Variants in KHDRBS2 observed in about 807,000 individuals in gnomAD.
KHDRBS2 encodes the protein KH domain-containing, RNA-binding, signal transduction-associated protein 2.
In KHDRBS2, 26 loss-of-function variants were observed where a neutral mutation model predicts 44.3. The ratio of observed to expected loss-of-function variants is 0.59; its 90% CI spans 0.43 to 0.81. KHDRBS2 has a LOEUF of 0.81. Ranked by LOEUF, KHDRBS2 falls within the 40% of genes least tolerant of loss-of-function variation. The pLI is 0.00. For missense variants in KHDRBS2, 476 were observed against 433.1 expected (o/e 1.10, Z -0.88); for synonymous variants, 194 against 151.1 (o/e 1.28, Z -2.08).
chr6:62,061,163 G>A (rs1584433627), intron 2 of KHDRBS2, among the ~76,000 whole-genome samples: 1 of 151,600 alleles, frequency 6.6e-6, no homozygotes, highest in South Asian at 2.1e-4. Context: ...GGAGCATTTA[G>A]TCCATTTACA....
chr6:62,176,015 T>C (rs1821019844), intron 2 of KHDRBS2, among the ~76,000 whole-genome samples: 1 of 151,430 alleles, frequency 6.6e-6, no homozygotes, highest in Non-Finnish European at 1.5e-5. Flanking sequence ...TATTTAAATG[T>C]ATGATTTATG....
the KHDRBS2 span, among the ~76,000 whole-genome samples, chr6:61,546,901 A>C: frequency 6.6e-6 from 1 of 151,912 alleles, no homozygotes; most frequent in South Asian, 2.1e-4. Flanking sequence ...TCATTCATCC[A>C]TTTTCCAACC....
At chr6:61,790,070 T>C (rs1270047492) in intron 6 of KHDRBS2, among the ~76,000 whole-genome samples, 1 of 151,454 alleles carries the variant, frequency 6.6e-6, no homozygotes, top group Non-Finnish European at 1.5e-5. Context: ...TAACCCCCTG[T>C]AAAATCAAAG....
intron 1 of KHDRBS2, among the ~76,000 whole-genome samples, chr6:62,237,999 G>T (rs1303473773): frequency 1.4e-5 from 2 of 146,728 alleles, no homozygotes; most frequent in Non-Finnish European, 3.0e-5. Flanking sequence ...TGAGCAGTGA[G>T]CAGTGATCGC....
At chr6:61,899,742 C>T (rs1803607790) in intron 5 of KHDRBS2, among the ~76,000 whole-genome samples, 2 of 142,610 alleles carry the variant, frequency 1.4e-5, no homozygotes, top group African/African-American at 5.0e-5. Flanking sequence ...TGCCCCCCCC[C>T]CGCATTTTAA....
intron 4 of KHDRBS2, among the ~76,000 whole-genome samples, chr6:61,946,138 T>C (rs1813336806): frequency 6.6e-6 from 1 of 152,138 alleles, no homozygotes; most frequent in Non-Finnish European, 1.5e-5. Context: ...TCAGAAATCT[T>C]AAAGACCAGA....
chr6:61,974,467 C>A (rs191872854), intron 4 of KHDRBS2, among the ~76,000 whole-genome samples: 1 of 152,072 alleles, frequency 6.6e-6, no homozygotes, highest in African/African-American at 2.4e-5. Flanking sequence ...TCCTGTTTCT[C>A]GTTACTCATC....
intron 3 of KHDRBS2, among the ~76,000 whole-genome samples, chr6:62,038,291 G>A (rs1785729076): frequency 6.6e-6 from 1 of 150,866 alleles, no homozygotes; most frequent in South Asian, 2.1e-4. Context: ...ACTCTGCGGT[G>A]TTGTTATTCA....
intron 3 of KHDRBS2, among the ~76,000 whole-genome samples, chr6:62,018,424 C>T (rs774648393): frequency 6.6e-6 from 1 of 151,810 alleles, no homozygotes; most frequent in East Asian, 1.9e-4. Flanking sequence ...ACGAACTCAC[C>T]GCAAGCTCCG....
chr6:61,854,388 AT>A (rs759220614), intron 6 of KHDRBS2, among the ~76,000 whole-genome samples: 32 of 152,274 alleles, frequency 2.1e-4, no homozygotes, highest in Non-Finnish European at 3.5e-4. Flanking sequence ...AACTAAATGT[AT>A]ATATACTCAG....
chr6:61,786,266 C>T (rs1193928506), intron 6 of KHDRBS2, among the ~76,000 whole-genome samples: 2 of 151,822 alleles, frequency 1.3e-5, no homozygotes, highest in African/African-American at 4.8e-5. Flanking sequence ...TTAATCAAAC[C>T]GCATCTTCTG....
At chr6:61,974,985 A>G (rs1772257652) in intron 4 of KHDRBS2, among the ~76,000 whole-genome samples, 1 of 149,108 alleles carries the variant, frequency 6.7e-6, no homozygotes, top group African/African-American at 2.5e-5. Context: ...AATAAATAAA[A>G]GACTACAGTG....
In KHDRBS2 at chr6:61,993,836, G is replaced by A. The variant is rs1776653545; in HGVS notation, c.337-15624C>T. On this transcript the variant is annotated intron_variant, in intron 3 of 8. Coordinates refer to ENST00000281156, the MANE Select transcript of KHDRBS2 (RefSeq NM_152688.4). ...TGAAGTTATTTAAACCTTGTAATAG[G>A]TTAATGTTATCTGCATTTTGACTCT... is the stretch of plus-strand genomic sequence containing the variant. 1.3e-5 allele frequency among the ~76,000 whole-genome samples: 2 copies of A among 151,572 alleles called. 1 individual carries two copies. The highest frequency in any genetic ancestry group is 4.8e-5 in the African/African-American group (2 of 41,282).
chr6:61,859,573 G>A (rs1796626511), intron 6 of KHDRBS2, among the ~76,000 whole-genome samples: 1 of 151,720 alleles, frequency 6.6e-6, no homozygotes, highest in East Asian at 1.9e-4. Context: ...AGCCTCTTTG[G>A]CAATGCTCCC....
the KHDRBS2 span, among the ~76,000 whole-genome samples, chr6:61,585,538 G>T: frequency 0.045 from 6,864 of 152,092 alleles, 212 homozygotes; most frequent in Middle Eastern, 0.078. Flanking sequence ...TAGAAAATAC[G>T]ATTTGCAAGA....
intron 2 of KHDRBS2, among the ~76,000 whole-genome samples, chr6:62,062,511 C>T (rs1052308516): frequency 8.5e-5 from 13 of 152,054 alleles, no homozygotes; most frequent in Middle Eastern, 6.8e-3. Context: ...AACTGAACAA[C>T]CTGCTCCTGA....
rs576836740 is a variant in KHDRBS2 at position 62,080,392 on chromosome 6, A to G, written c.220-32398T>C. Among the ~76,000 whole-genome samples, 10 of 152,288 alleles carry G rather than the reference A, an allele frequency of 6.6e-5. No homozygotes were observed. In the East Asian group the frequency reaches 1.9e-3, roughly 29 times the overall value. On this transcript the variant is annotated intron_variant, in intron 2 of 8. Coordinates refer to ENST00000281156, the MANE Select transcript of KHDRBS2 (RefSeq NM_152688.4). ...TCAAGGATAATATCAAAAACAGTTC[A>G]AAGTCATTTTTTCCATTAGAAATGA...
intron 1 of KHDRBS2, among the ~76,000 whole-genome samples, chr6:62,263,164 C>T (rs1838646231): frequency 6.6e-6 from 1 of 151,662 alleles, no homozygotes; most frequent in African/African-American, 2.4e-5. Flanking sequence ...AGTAAGTGTA[C>T]TTTGTTCAAC....
the KHDRBS2 span, among the ~76,000 whole-genome samples, chr6:61,571,491 T>A: frequency 0.025 from 3,715 of 149,126 alleles, 71 homozygotes; most frequent in Middle Eastern, 0.087. Flanking sequence ...GATATTCCAC[T>A]GACAGCAATA....
Sources: gnomAD v4.1 joint callset for allele counts (sites outside exome capture counted in the v4.1 genomes callset) on GRCh38, gnomAD v4.1.1 for gene constraint, MANE v1.5 for transcripts, NCBI Gene and HGNC (gene_info 2026-07-23, HGNC 2026-07-21) for gene names.